The following PRKG1 variants were observed in gnomAD, a reference collection of about 807,000 sequenced individuals.
The protein encoded by PRKG1 is protein kinase cGMP-dependent 1.
Under a neutral mutation model 88.1 loss-of-function variants are expected in PRKG1, and 35 were observed. The ratio of observed to expected loss-of-function variants is 0.40; its 90% CI spans 0.30 to 0.53. The LOEUF (loss-of-function observed/expected upper bound fraction) is 0.53. Among genes scored for constraint, PRKG1 ranks in the 20% least tolerant of loss-of-function variants. The pLI, the probability that PRKG1 is intolerant of heterozygous loss-of-function variation, is 0.59. For synonymous variants in PRKG1, 303 were observed against 292.5 expected, an observed-to-expected ratio of 1.04 and a Z score of -0.37; for missense variants, 540 against 839.8, an observed-to-expected ratio of 0.64 and a Z score of 4.41.
At chr10:51,680,514 A>G (rs188380950) in intron 3 of PRKG1, among the ~76,000 whole-genome samples, 62 of 152,358 alleles carry the variant, frequency 4.1e-4, no homozygotes, top group African/African-American at 1.5e-3. Context: ...CTGCCTTCTG[A>G]TAACAATAGC....
chr10:51,501,232 C>T (rs925385554), intron 3 of PRKG1, among the ~76,000 whole-genome samples: 1 of 151,996 alleles, frequency 6.6e-6, no homozygotes, highest in African/African-American at 2.4e-5. Flanking sequence ...TATTGGGGGC[C>T]CACTAGACTG....
At chr10:51,497,330 A>G (rs1161638214) in intron 3 of PRKG1, among the ~76,000 whole-genome samples, 5 of 152,144 alleles carry the variant, frequency 3.3e-5, no homozygotes, top group Non-Finnish European at 5.9e-5. Context: ...CATCCATCCA[A>G]TCATTTGATA....
chr10:51,476,757 TC>T (rs1270332703), intron 3 of PRKG1, among the ~76,000 whole-genome samples: 2 of 152,032 alleles, frequency 1.3e-5, no homozygotes, highest in Non-Finnish European at 2.9e-5. Context: ...TGCTATTCAT[TC>T]GCTCTCATTC....
chr10:51,808,273 CTT>C (rs2132618194), intron 4 of PRKG1, among the ~76,000 whole-genome samples: 1 of 152,148 alleles, frequency 6.6e-6, no homozygotes, highest in Non-Finnish European at 1.5e-5. Context: ...TGACTTATCA[CTT>C]TTTTCTTTAT....
chr10:51,204,146 G>A (rs1276322229), intron 2 of PRKG1, among the ~76,000 whole-genome samples: 1 of 152,126 alleles, frequency 6.6e-6, no homozygotes, highest in Non-Finnish European at 1.5e-5. Flanking sequence ...ATAAAGGATT[G>A]TATTATTTCT....
chr10:51,351,538 G>C (rs1201676114), intron 2 of PRKG1, among the ~76,000 whole-genome samples: 1 of 151,722 alleles, frequency 6.6e-6, no homozygotes, highest in Non-Finnish European at 1.5e-5. Context: ...ATATTTGTTG[G>C]CCACATAAAT....
At chr10:51,856,328 G>GTTAGA (rs1840678826) in intron 4 of PRKG1, among the ~76,000 whole-genome samples, 1 of 152,124 alleles carries the variant, frequency 6.6e-6, no homozygotes, top group Non-Finnish European at 1.5e-5. Context: ...ACTACCCCAG[G>GTTAGA]TTAGAATTCT....
At chr10:51,130,227 T>C (rs534886526) in intron 1 of PRKG1, among the ~76,000 whole-genome samples, 9 of 152,190 alleles carry the variant, frequency 5.9e-5, no homozygotes, top group Admixed American at 1.3e-4. Context: ...ACAGAGAAGT[T>C]AGAGAATGGC....
intron 3 of PRKG1, among the ~76,000 whole-genome samples, chr10:51,737,299 C>A (rs1043515709): frequency 6.6e-6 from 1 of 152,170 alleles, no homozygotes; most frequent in South Asian, 2.1e-4. Context: ...GTAGCTCAAA[C>A]GCTTTCTTAC....
intron 5 of PRKG1, among the ~76,000 whole-genome samples, chr10:52,014,453 G>C (rs183483388): frequency 6.6e-6 from 1 of 152,074 alleles, no homozygotes; most frequent in South Asian, 2.1e-4. Flanking sequence ...ACCCCCATCA[G>C]GTCTTGTCCT....
intron 3 of PRKG1, among the ~76,000 whole-genome samples, chr10:51,470,867 G>A (rs980466412): frequency 7.3e-5 from 11 of 151,678 alleles, no homozygotes; most frequent in African/African-American, 2.4e-4. Context: ...GTTTTCATCT[G>A]GGAAAAAATA....
At chr10:51,274,451 G>T (rs187230464) in intron 2 of PRKG1, among the ~76,000 whole-genome samples, 136 of 152,268 alleles carry the variant, frequency 8.9e-4, no homozygotes, top group African/African-American at 3.0e-3. Flanking sequence ...AGTAATAATT[G>T]TTCTAAGTGC....
intron 2 of PRKG1, among the ~76,000 whole-genome samples, chr10:51,445,974 G>A (rs1241561310): frequency 6.6e-6 from 1 of 151,940 alleles, no homozygotes; most frequent in Non-Finnish European, 1.5e-5. Flanking sequence ...CTGGATGCTT[G>A]AAAGTGGGGG....
chr10:51,462,156 C>T (rs190921245), intron 2 of PRKG1, among the ~76,000 whole-genome samples: 1 of 151,612 alleles, frequency 6.6e-6, no homozygotes, highest in East Asian at 1.9e-4. Flanking sequence ...AAACAGATTA[C>T]AGAAGGAAGG....
At chr10:51,626,318 G>T (rs1045715798) in intron 3 of PRKG1, among the ~76,000 whole-genome samples, 19 of 152,060 alleles carry the variant, frequency 1.2e-4, no homozygotes, top group African/African-American at 4.6e-4. Flanking sequence ...TTTTGTTTTA[G>T]AAAAACATAG....
At chr10:52,271,510 A>G in intron 11 of PRKG1, 21 bp downstream of exon 11, 2 of 1,608,536 alleles carry the variant, frequency 1.2e-6, no homozygotes, top group Non-Finnish European at 1.7e-6. Context: ...CATGCCAGGG[A>G]CAGACGTACC....
At chr10:51,113,944 C>CGTGTGTGTGTGTGTGTGT (rs35562284) in intron 1 of PRKG1, among the ~76,000 whole-genome samples, 6 of 139,126 alleles carry the variant, frequency 4.3e-5, no homozygotes, top group African/African-American at 1.6e-4. Context: ...AGCCTGTAAA[C>CGTGTGTGTGTGTGTGTGT]GTGTGTGTGT....
intron 5 of PRKG1, among the ~76,000 whole-genome samples, chr10:51,948,494 G>C (rs532389774): frequency 2.4e-4 from 36 of 151,768 alleles, no homozygotes; most frequent in African/African-American, 8.0e-4. Context: ...ATGTGATTCA[G>C]GTATTATTTC....
chr10:51,096,055 T>C (rs1015287063), intron 1 of PRKG1, among the ~76,000 whole-genome samples: 2 of 152,174 alleles, frequency 1.3e-5, no homozygotes, highest in South Asian at 2.1e-4. Flanking sequence ...GTGTGTGTGA[T>C]ATTATTACAT....
Sources: gnomAD v4.1 joint callset for allele counts (sites outside exome capture counted in the v4.1 genomes callset) on GRCh38, gnomAD v4.1.1 for gene constraint, MANE v1.5 for transcripts, NCBI Gene and HGNC (gene_info 2026-07-23, HGNC 2026-07-21) for gene names.